The following KIF16B variants were observed in gnomAD, a reference collection of about 807,000 sequenced individuals.
KIF16B encodes the protein kinesin family member 16B.
Under a neutral mutation model 156.3 loss-of-function variants are expected in KIF16B, and 98 were observed. The observed-to-expected ratio is 0.63, with a 90% CI of 0.53 to 0.74. The LOEUF (loss-of-function observed/expected upper bound fraction) is 0.74, where lower values mean the gene tolerates loss of function less well. KIF16B is among the 30% of genes least tolerant of loss of function. The pLI, the probability that KIF16B is intolerant of heterozygous loss-of-function variation, is 0.00. For synonymous variants in KIF16B, 564 were observed against 583.7 expected (o/e 0.97, Z 0.49); for missense variants, 1,421 against 1,606.5 (o/e 0.88, Z 1.97).
chr20:16,413,447 A>G (rs577327571), intron 15 of KIF16B, among the ~76,000 whole-genome samples: 54 of 152,140 alleles, frequency 3.5e-4, no homozygotes, highest in Non-Finnish European at 6.0e-4. Context: ...TTCAAGTTTT[A>G]TGAGATTTTC....
chr20:16,431,622 A>C (rs1286274600), intron 12 of KIF16B, among the ~76,000 whole-genome samples: 1 of 152,094 alleles, frequency 6.6e-6, no homozygotes, highest in African/African-American at 2.4e-5. Flanking sequence ...TATGCACAGT[A>C]GGATATTTTG....
At chr20:16,499,298 G>A (rs1383599604) in intron 10 of KIF16B, among the ~76,000 whole-genome samples, 1 of 152,180 alleles carries the variant, frequency 6.6e-6, no homozygotes, top group Admixed American at 6.5e-5. Context: ...TTTCTCAGCT[G>A]ATATTAATAG....
chr20:16,278,990 G>A (rs919532494), intron 25 of KIF16B, among the ~76,000 whole-genome samples: 6 of 152,120 alleles, frequency 3.9e-5, no homozygotes, highest in Non-Finnish European at 8.8e-5. Flanking sequence ...TTACAAACAC[G>A]GGGAAGGTCC....
chr20:16,343,343 G>T (rs2064174547), intron 23 of KIF16B, among the ~76,000 whole-genome samples: 1 of 152,184 alleles, frequency 6.6e-6, no homozygotes, highest in African/African-American at 2.4e-5. Flanking sequence ...CCAGTGTTAA[G>T]ATCTGTCATC....
At chr20:16,282,849 C>T (rs2063167419) in intron 25 of KIF16B, among the ~76,000 whole-genome samples, 1 of 152,182 alleles carries the variant, frequency 6.6e-6, no homozygotes, top group South Asian at 2.1e-4. Context: ...CCTGCCAGGC[C>T]TTCAGGAAGT....
Position 16,504,441 on chromosome 20 carries a change from G to T in KIF16B, c.1107C>A (p.Asn369Lys), listed in dbSNP as rs758133024. Reference protein sequence around the residue: ...INKPTINEDANVKLIRELRAE... With the variant: ...INKPTINEDAKVKLIRELRAE... ...CTCGCAGCTCACGGATAAGTTTGAC[G>T]TTGGCATCCTCATTAATGGTAGGCT... Residue 369 changes from asparagine (N) to lysine (K), a missense_variant, in exon 10 of 26, where the codon AAC becomes AAA. Physicochemically the swap from Asn to Lys is moderately conservative, Grantham distance 94. Coordinates refer to ENST00000354981, the MANE Select transcript of KIF16B (RefSeq NM_024704.5). The T allele has an allele frequency of 1.2e-6, 2 of 1,614,098 alleles. No individual in the cohort carries two copies. The highest frequency in any genetic ancestry group is 1.7e-6 in the Non-Finnish European group (2 of 1,179,978).
chr20:16,414,465 A>G (rs1322246143), intron 15 of KIF16B, among the ~76,000 whole-genome samples: 1 of 152,114 alleles, frequency 6.6e-6, no homozygotes, highest in Non-Finnish European at 1.5e-5. Context: ...CAATGTTTAC[A>G]ATTCAAATAT....
intron 1 of KIF16B, among the ~76,000 whole-genome samples, chr20:16,529,830 A>G (rs1303226655): frequency 6.6e-6 from 1 of 152,224 alleles, no homozygotes; most frequent in African/African-American, 2.4e-5. Context: ...GCATGCCTGT[A>G]ATCCCAGCTA....
chr20:16,315,372 G>C (rs898725065), intron 24 of KIF16B, among the ~76,000 whole-genome samples: 1 of 152,122 alleles, frequency 6.6e-6, no homozygotes, highest in Admixed American at 6.5e-5. Flanking sequence ...AGACACCCAA[G>C]CCCAGAGCTA....
rs1202200541 is a variant in KIF16B at position 16,412,236 on chromosome 20, C to T, written c.1613-5780G>A. 2.6e-5 allele frequency among the ~76,000 whole-genome samples: 4 copies of T among 151,958 alleles called. No homozygotes were observed. In the East Asian group the frequency reaches 5.9e-4, roughly 22 times the overall value. On this transcript the variant is annotated intron_variant, in intron 15 of 25. Transcript: ENST00000354981. The stretch of plus-strand genomic sequence containing the variant: ...CTGAGACAAAAAGACTAGAAAACAC[C>T]ATTGGGTGTGGTGGCATAGAGGTCA...
In KIF16B at chr20:16,444,151, T is replaced by G. The variant is rs145851558; in HGVS notation, c.1303-14169A>C. On this transcript the variant is annotated intron_variant, in intron 12 of 25. Coordinates refer to ENST00000354981, the MANE Select transcript of KIF16B (RefSeq NM_024704.5). Reference sequence around the variant, plus strand: ...ATAAAATCTCACATCTTTCATTAGTTAAAAAACTATTTACATGTTGTAAAC... The same window carrying G: ...ATAAAATCTCACATCTTTCATTAGTGAAAAAACTATTTACATGTTGTAAAC... 1.2e-4 allele frequency among the ~76,000 whole-genome samples: 19 copies of G among 152,348 alleles called. No individual in the cohort carries two copies. In the East Asian group the frequency reaches 3.7e-3, roughly 29 times the overall value.
chr20:16,558,897 C>CAAAAAAAAAAAAAAAAAAAA (rs11478258), intron 1 of KIF16B, among the ~76,000 whole-genome samples: 2 of 62,076 alleles, frequency 3.2e-5, no homozygotes, highest in African/African-American at 6.2e-5. Flanking sequence ...GAGCAAGACT[C>CAAAAAAAAAAAAAAAAAAAA]AAAAAAAAAA....
chr20:16,497,729 T>A, intron 10 of KIF16B, 51 bp from the exon 11 acceptor site: 1 of 1,324,296 alleles, frequency 7.6e-7, no homozygotes, highest in Non-Finnish European at 1.1e-6. Context: ...AGCAATAATC[T>A]AGGTTTTTCC....
chr20:16,348,857 C>G (rs762452859), intron 23 of KIF16B, among the ~76,000 whole-genome samples: 15 of 152,082 alleles, frequency 9.9e-5, no homozygotes, highest in Non-Finnish European at 1.9e-4. Flanking sequence ...TTTAAAAAAC[C>G]AAACATGATG....
At chr20:16,361,839 C>A (rs952853502) in intron 22 of KIF16B, among the ~76,000 whole-genome samples, 4 of 152,164 alleles carry the variant, frequency 2.6e-5, no homozygotes, top group Admixed American at 2.0e-4. Context: ...CTACATAGAT[C>A]TGAGCCGACC....
At chr20:16,460,910 T>G (rs2067330141) in intron 12 of KIF16B, among the ~76,000 whole-genome samples, 1 of 151,956 alleles carries the variant, frequency 6.6e-6, no homozygotes, top group East Asian at 1.9e-4. Flanking sequence ...CCTACATACC[T>G]ATTGGGACAG....
rs866625181 is a variant in KIF16B, at chr20:16,366,435, C to T, written c.3498+4151G>A. Among the ~76,000 whole-genome samples, 4 of 152,216 alleles carry T rather than the reference C, an allele frequency of 2.6e-5. No individual in the cohort carries two copies. The Middle Eastern group carries it at 0.01, about 388-fold the overall frequency. ...GAGAGACAAAAGTTCTGAGAAAGAA[C>T]TGGAATATGGTGGTGGTGAGGGATA... On this transcript the variant is annotated intron_variant, in intron 22 of 25. Transcript: ENST00000354981.
chr20:16,367,730 G>C (rs1434592052), intron 22 of KIF16B: 1 of 1,612,460 alleles, frequency 6.2e-7, no homozygotes, highest in Admixed American at 1.7e-5. Context: ...TTCCAATCAA[G>C]AGAAAGCTGA....
chr20:16,390,441 C>T (rs1331173967), intron 17 of KIF16B, among the ~76,000 whole-genome samples: 1 of 152,150 alleles, frequency 6.6e-6, no homozygotes, highest in Non-Finnish European at 1.5e-5. Context: ...GGCAGTCTGA[C>T]TGGATAGACA....
Sources: allele counts gnomAD v4.1 joint callset (sites outside exome capture counted in the v4.1 genomes callset), GRCh38; gene constraint gnomAD v4.1.1; transcripts MANE v1.5; gene names NCBI Gene and HGNC (gene_info 2026-07-23, HGNC 2026-07-21).